Variants in PCOLCE2 observed in about 807,000 individuals in gnomAD.
PCOLCE2 encodes the protein procollagen C-proteinase enhancer 2.
A neutral mutation model predicts 47.0 loss-of-function variants in PCOLCE2; 42 were observed. The observed-to-expected ratio is 0.89, with a 90% CI of 0.70 to 1.16. The LOEUF (loss-of-function observed/expected upper bound fraction) is 1.16, where lower values mean the gene tolerates loss of function less well. Ranked by LOEUF, PCOLCE2 falls within the 50% of genes most tolerant of loss-of-function variation. PCOLCE2 has a pLI of 0.00. For missense variants in PCOLCE2, 500 were observed against 526.1 expected (o/e 0.95, Z 0.49); for synonymous variants, 169 against 191.7 (o/e 0.88, Z 0.98).
rs1439654691 is a variant in PCOLCE2 at position 142,889,036 on chromosome 3, C to T, written c.-140G>A. ...CGGCGCTCGGCTGCCCGCGCGCTCC[C>T]TCTCACGCGCGCACCGCCGCGGGGC... On this transcript the variant is annotated 5_prime_UTR_variant, in exon 1 of 9. Transcript: ENST00000295992. 2.0e-5 allele frequency: 8 copies of T among 405,916 alleles called. No individual in the cohort carries two copies. Among genetic ancestry groups the T allele is most frequent in the Non-Finnish European group, 3.0e-5 (7 of 232,800 alleles). The allele number at this position is 405,916 out of a possible 1,614,324, so 25.1% of individuals were successfully genotyped here. A position where few individuals can be genotyped will look rare whatever the true frequency, so the allele number is the denominator to read the frequency against.
At chr3:142,827,516 T>G in intron 6 of PCOLCE2, 7 of 1,481,672 alleles carry the variant, frequency 4.7e-6, no homozygotes, top group Non-Finnish European at 6.6e-6. Flanking sequence ...TCCAGGCTTC[T>G]CCTCCAGGCA....
rs75417610 is a variant in PCOLCE2, at chr3:142,862,262, G to C, written c.193-13790C>G. Among the ~76,000 whole-genome samples the C allele has an allele frequency of 3.3e-3, 500 of 152,278 alleles. 2 individuals are homozygous for C. Among genetic ancestry groups the C allele is most frequent in the Middle Eastern group, 0.01 (3 of 294 alleles). On this transcript the variant is annotated intron_variant, in intron 2 of 8. Coordinates refer to ENST00000295992, the MANE Select transcript of PCOLCE2 (RefSeq NM_013363.4). ...CCTCATCTGCCCTCCTGCCTTCCAA[G>C]AAACCAGGTGCCTCCAGCTCCAGAG...
intron 6 of PCOLCE2, chr3:142,827,374 C>T (rs1273545420): frequency 6.5e-7 from 1 of 1,543,846 alleles, no homozygotes. Context: ...CCACACCAAC[C>T]ACAGCTCTGT....
chr3:142,818,310 C>G lies in PCOLCE2; in HGVS notation c.*25G>C. ...ATCTTTCAAAGGCAATGGCAGAATACAGCTTAAATGGACACAGTTCACTGT... is the reference window on the plus strand; with the variant it reads ...ATCTTTCAAAGGCAATGGCAGAATAGAGCTTAAATGGACACAGTTCACTGT... On this transcript the variant is annotated 3_prime_UTR_variant, in exon 9 of 9. Coordinates refer to ENST00000295992, the MANE Select transcript of PCOLCE2 (RefSeq NM_013363.4). The G allele has an allele frequency of 6.2e-7, 1 of 1,606,578 alleles. No individual in the cohort carries two copies. Among genetic ancestry groups the G allele is most frequent in the Non-Finnish European group, 8.5e-7 (1 of 1,173,758 alleles).
At chr3:142,849,030 G>A (rs1230737513) in intron 2 of PCOLCE2, among the ~76,000 whole-genome samples, 1 of 152,126 alleles carries the variant, frequency 6.6e-6, no homozygotes, top group East Asian at 1.9e-4. Context: ...GGGGGCGCCT[G>A]TAGTCCCAGC....
At chr3:142,829,910 A>C (rs1937126480) in intron 5 of PCOLCE2, 64 bp from the exon 6 acceptor site, 2 of 967,952 alleles carry the variant, frequency 2.1e-6, no homozygotes, top group Non-Finnish European at 3.0e-6. Context: ...GAAAATGTAA[A>C]ATTTTCTAGT....
At chr3:142,883,660 C>T (rs1933668685) in intron 2 of PCOLCE2, among the ~76,000 whole-genome samples, 1 of 151,408 alleles carries the variant, frequency 6.6e-6, no homozygotes, top group South Asian at 2.1e-4. Context: ...CTCAGGTGAT[C>T]CACCTGCCTC....
chr3:142,883,850 G>A (rs1933672758), intron 2 of PCOLCE2, among the ~76,000 whole-genome samples: 1 of 152,184 alleles, frequency 6.6e-6, no homozygotes, highest in South Asian at 2.1e-4. Flanking sequence ...TTATAATGAA[G>A]CTATTAACGG....
At position 142,888,980 on chromosome 3, in the gene PCOLCE2, C is replaced by CGCTCACACTGGCAGCAGCACTG. The variant is rs1553819749; in HGVS notation, c.-85_-84insCAGTGCTGCTGCCAGTGTGAGC. ...TCCGCACCCACCGCGCTCACACCGC[C>CGCTCACACTGGCAGCAGCACTG]GCTCACACTGGCAGCAGCGCTGGCT... is the stretch of plus-strand genomic sequence containing the variant. On this transcript the variant is annotated 5_prime_UTR_variant, in exon 1 of 9. Coordinates refer to ENST00000295992, the MANE Select transcript of PCOLCE2 (RefSeq NM_013363.4). 84 of 514,108 alleles carry CGCTCACACTGGCAGCAGCACTG rather than the reference C, an allele frequency of 1.6e-4. 1 individual carries two copies. Among genetic ancestry groups the CGCTCACACTGGCAGCAGCACTG allele is most frequent in the Non-Finnish European group, 6.3e-5 (20 of 316,312 alleles). 31.8% of individuals were successfully genotyped at this position (514,108 alleles called of 1,614,324 possible).
At chr3:142,887,301 T>C (rs1380652433) in intron 2 of PCOLCE2, 1 of 165,374 alleles carries the variant, frequency 6.0e-6, no homozygotes, top group African/African-American at 2.4e-5. Context: ...CATTTCCCAC[T>C]GGGAATTTAT....
intron 2 of PCOLCE2, among the ~76,000 whole-genome samples, chr3:142,869,440 C>T (rs907488825): frequency 2.0e-5 from 3 of 152,130 alleles, no homozygotes; most frequent in African/African-American, 7.2e-5. Context: ...TTTGAAATGG[C>T]CTTGCAAAGC....
At chr3:142,822,392 C>T (rs778187431) in intron 7 of PCOLCE2, among the ~76,000 whole-genome samples, 3 of 151,968 alleles carry the variant, frequency 2.0e-5, no homozygotes, top group Admixed American at 6.6e-5. Context: ...GCCATGTAAG[C>T]GGTCACATTA....
rs781508495 is a variant in PCOLCE2 at position 142,842,549 on chromosome 3, C to A, written c.573+375G>T. On this transcript the variant is annotated intron_variant, in intron 4 of 8. Transcript: ENST00000295992. The surrounding 1 kb of genome is among the most constrained non-coding windows in gnomAD (Gnocchi z 4.1). ...GGCCGGGAGTTTGAGACCAGCCTGACCAACATGGAGAAACTCTGTCTCTAC... is the reference window on the plus strand; with the variant it reads ...GGCCGGGAGTTTGAGACCAGCCTGAACAACATGGAGAAACTCTGTCTCTAC... 4.6e-5 allele frequency among the ~76,000 whole-genome samples: 7 copies of A among 151,952 alleles called. No individual in the cohort carries two copies. Among genetic ancestry groups the A allele is most frequent in the Non-Finnish European group, 8.8e-5 (6 of 67,994 alleles).
At chr3:142,833,643 G>A (rs1221258373) in intron 5 of PCOLCE2, among the ~76,000 whole-genome samples, 1 of 152,096 alleles carries the variant, frequency 6.6e-6, no homozygotes, top group Non-Finnish European at 1.5e-5. Flanking sequence ...ATATTGCTGA[G>A]AACATTCTTG....
At chr3:142,861,938 C>T (rs1933189650) in intron 2 of PCOLCE2, among the ~76,000 whole-genome samples, 3 of 152,202 alleles carry the variant, frequency 2.0e-5, no homozygotes, top group African/African-American at 7.2e-5. Context: ...GTGTAAAGAC[C>T]TTGCTGCAGC....
At position 142,826,229 on chromosome 3, in the gene PCOLCE2, G is replaced by A. The variant is rs546153200; in HGVS notation, c.866-2614C>T. ...TCACCGTGTTAGCCAAGATGGTCTC[G>A]ATCTCCTGACCTCATGATCCACCCG... On this transcript the variant is annotated intron_variant, in intron 6 of 8. Coordinates refer to ENST00000295992, the MANE Select transcript of PCOLCE2 (RefSeq NM_013363.4). Among the ~76,000 whole-genome samples the A allele has an allele frequency of 4.5e-4, 68 of 152,002 alleles. 1 individual carries two copies. In the South Asian group the frequency reaches 0.013, roughly 29 times the overall value.
At chr3:142,827,956 C>A (rs1937104337) in intron 6 of PCOLCE2, among the ~76,000 whole-genome samples, 1 of 152,186 alleles carries the variant, frequency 6.6e-6, no homozygotes, top group African/African-American at 2.4e-5. Flanking sequence ...ACACCTACCT[C>A]CCTGACCTCC....
intron 2 of PCOLCE2, among the ~76,000 whole-genome samples, chr3:142,880,419 C>A (rs748013765): frequency 1.3e-5 from 2 of 152,172 alleles, no homozygotes; most frequent in Non-Finnish European, 2.9e-5. Flanking sequence ...CCTTGCCATA[C>A]CCTTAGGTAT....
chr3:142,887,511 T>C, intron 2 of PCOLCE2, 158 bp downstream of exon 2: 1 of 599,288 alleles, frequency 1.7e-6, no homozygotes, highest in Non-Finnish European at 3.0e-6. Flanking sequence ...ATCTATTATA[T>C]TAATAAAAAT....
Sources: allele counts gnomAD v4.1 joint callset (sites outside exome capture counted in the v4.1 genomes callset), GRCh38; gene constraint gnomAD v4.1.1; non-coding constraint Gnocchi (gnomAD v3.1); transcripts MANE v1.5; gene names NCBI Gene and HGNC (gene_info 2026-07-23, HGNC 2026-07-21).